The following IPCEF1 variants were observed in gnomAD, a reference collection of about 807,000 sequenced individuals.
IPCEF1 encodes the protein interaction protein for cytohesin exchange factors 1, also known as interactor protein for cytohesin exchange factors 1.
IPCEF1 carries 31 observed loss-of-function variants against 50.9 expected under a neutral mutation model. The ratio of observed to expected loss-of-function variants is 0.61; its 90% CI spans 0.46 to 0.82. The LOEUF (loss-of-function observed/expected upper bound fraction) is 0.82. Among genes scored for constraint, IPCEF1 ranks in the 40% least tolerant of loss-of-function variants. IPCEF1 has a pLI of 0.00. For synonymous variants in IPCEF1, 181 were observed against 192.0 expected (o/e 0.94, Z 0.47); for missense variants, 458 against 514.0 (o/e 0.89, Z 1.05).
At chr6:154,356,100 T>C (rs1784213267) in intron 1 of IPCEF1, among the ~76,000 whole-genome samples, 1 of 152,232 alleles carries the variant, frequency 6.6e-6, no homozygotes, top group Non-Finnish European at 1.5e-5. Context: ...TTCTGACTTC[T>C]ATAATTAAAT....
chr6:154,310,043 C>A (rs145540442), intron 1 of IPCEF1, among the ~76,000 whole-genome samples: 7 of 152,272 alleles, frequency 4.6e-5, no homozygotes, highest in Admixed American at 4.6e-4. Flanking sequence ...GGATCACAGG[C>A]GTGAGCCACC....
chr6:154,324,835 C>T (rs1783481025), intron 1 of IPCEF1, among the ~76,000 whole-genome samples: 1 of 151,824 alleles, frequency 6.6e-6, no homozygotes, highest in South Asian at 2.1e-4. Context: ...ACACAAAACC[C>T]GAATTCCAAA....
intron 2 of IPCEF1, among the ~76,000 whole-genome samples, chr6:154,276,057 G>A (rs1583934834): frequency 1.3e-5 from 2 of 152,066 alleles, no homozygotes; most frequent in Non-Finnish European, 2.9e-5. Context: ...GGTGGCAGGT[G>A]CCTGTAATCC....
intron 1 of IPCEF1, among the ~76,000 whole-genome samples, chr6:154,317,819 C>A (rs955162413): frequency 6.6e-6 from 1 of 151,782 alleles, no homozygotes; most frequent in African/African-American, 2.4e-5. Context: ...TGTTCTGTGA[C>A]CACCAGGTCT....
chr6:154,215,917 A>G (rs1414207527), intron 7 of IPCEF1, among the ~76,000 whole-genome samples: 1 of 152,242 alleles, frequency 6.6e-6, no homozygotes, highest in Non-Finnish European at 1.5e-5. Flanking sequence ...ACACTCAAAC[A>G]CAGGAAAATA....
At chr6:154,258,619 T>G (rs552088092) in intron 3 of IPCEF1, among the ~76,000 whole-genome samples, 3 of 152,302 alleles carry the variant, frequency 2.0e-5, no homozygotes, top group Non-Finnish European at 4.4e-5. Flanking sequence ...ATGTCCAGGT[T>G]GCTTCCTAAT....
At chr6:154,330,717 G>T (rs989037434) in intron 1 of IPCEF1, among the ~76,000 whole-genome samples, 1 of 152,140 alleles carries the variant, frequency 6.6e-6, no homozygotes, top group Non-Finnish European at 1.5e-5. Flanking sequence ...CCCCTCACAA[G>T]TATGTTCAGC....
chr6:154,282,892 G>A (rs2128665052), intron 2 of IPCEF1, among the ~76,000 whole-genome samples: 1 of 152,288 alleles, frequency 6.6e-6, no homozygotes, highest in South Asian at 2.1e-4. Flanking sequence ...TGAAATGGTG[G>A]AGAAAAGAGA....
chr6:154,246,068 A>ATAGGGGTTAGC (rs1562564615), intron 5 of IPCEF1, among the ~76,000 whole-genome samples: 1 of 152,176 alleles, frequency 6.6e-6, no homozygotes, highest in Non-Finnish European at 1.5e-5. Context: ...CAAAGCTGGC[A>ATAGGGGTTAGC]TAGGGGTTAG....
At chr6:154,266,560 CTATA>C (rs34187257) in intron 2 of IPCEF1, among the ~76,000 whole-genome samples, 4,363 of 134,718 alleles carry the variant, frequency 0.032, 136 homozygotes, top group African/African-American at 0.077. Context: ...CTTAATATTA[CTATA>C]TATATATATA....
chr6:154,189,632 A>C (rs12213117), intron 10 of IPCEF1, among the ~76,000 whole-genome samples: 2,250 of 152,330 alleles, frequency 0.015, 30 homozygotes, highest in Non-Finnish European at 0.024. Context: ...TATTACCCAG[A>C]TTTGATCATT....
intron 10 of IPCEF1, among the ~76,000 whole-genome samples, chr6:154,179,106 A>G (rs1435067367): frequency 6.6e-6 from 1 of 152,168 alleles, no homozygotes; most frequent in Admixed American, 6.6e-5. Context: ...AGGTCTTCAC[A>G]GGGCCATAAA....
intron 2 of IPCEF1, among the ~76,000 whole-genome samples, chr6:154,272,995 C>T (rs1464008994): frequency 6.6e-6 from 1 of 152,104 alleles, no homozygotes; most frequent in African/African-American, 2.4e-5. Flanking sequence ...AAAATAAGTA[C>T]CATGCCTAAT....
intron 1 of IPCEF1, among the ~76,000 whole-genome samples, chr6:154,290,873 T>C (rs1782495998): frequency 6.6e-6 from 1 of 151,142 alleles, no homozygotes; most frequent in Admixed American, 6.7e-5. Flanking sequence ...CCTGGAATTT[T>C]TCCAGTAGGA....
In IPCEF1 at chr6:154,355,769, G is replaced by T. The variant is rs182638223; in HGVS notation, c.-62+903C>A. ...CTCCCAAAGTGCTGGGATTACAAGC[G>T]TGAGCCACCGCACCCGGCATTCTAT... On this transcript the variant is annotated intron_variant, in intron 1 of 11. Transcript: ENST00000367220. Among the ~76,000 whole-genome samples, 774 of 151,842 alleles carry T rather than the reference G, an allele frequency of 5.1e-3. 6 individuals are homozygous for T. The highest frequency in any genetic ancestry group is 0.018 in the African/African-American group (746 of 41,426).
intron 1 of IPCEF1, among the ~76,000 whole-genome samples, chr6:154,323,870 T>C (rs1783454240): frequency 6.6e-6 from 1 of 152,158 alleles, no homozygotes; most frequent in East Asian, 1.9e-4. Flanking sequence ...AGAGAATCGT[T>C]TGAATCCAGG....
At chr6:154,241,379 C>A (rs986567140) in intron 5 of IPCEF1, among the ~76,000 whole-genome samples, 1 of 151,498 alleles carries the variant, frequency 6.6e-6, no homozygotes, top group Non-Finnish European at 1.5e-5. Context: ...CTAAAAAACA[C>A]AAGTATCTAA....
chr6:154,255,910 A>C (rs1781449343), intron 3 of IPCEF1, among the ~76,000 whole-genome samples: 1 of 152,334 alleles, frequency 6.6e-6, no homozygotes, highest in South Asian at 2.1e-4. Flanking sequence ...TTCTTCAAAA[A>C]TTTTTAAAAG....
At chr6:154,274,005 A>G (rs1385909218) in intron 2 of IPCEF1, among the ~76,000 whole-genome samples, 1 of 149,638 alleles carries the variant, frequency 6.7e-6, no homozygotes, top group Non-Finnish European at 1.5e-5. Flanking sequence ...CACCCGCCTC[A>G]GCCTCCCAAA....
Sources: gnomAD v4.1 joint callset for allele counts (sites outside exome capture counted in the v4.1 genomes callset) on GRCh38, gnomAD v4.1.1 for gene constraint, MANE v1.5 for transcripts, NCBI Gene and HGNC (gene_info 2026-07-23, HGNC 2026-07-21) for gene names.